SBF2: variants seen among roughly 807,000 people sequenced by gnomAD.
SBF2 encodes the protein myotubularin-related protein 13.
Under a neutral mutation model 225.2 loss-of-function variants are expected in SBF2, and 112 were observed. The ratio of observed to expected loss-of-function variants is 0.50; its 90% CI spans 0.43 to 0.58. The LOEUF is 0.58. Among genes scored for constraint, SBF2 ranks in the 20% least tolerant of loss-of-function variants. The pLI, the probability that SBF2 is intolerant of heterozygous loss-of-function variation, is 0.00. For missense variants in SBF2, 1,996 were observed against 2,206.2 expected (o/e 0.90, Z 1.91); for synonymous variants, 763 against 773.3 (o/e 0.99, Z 0.22).
intron 16 of SBF2, among the ~76,000 whole-genome samples, chr11:9,905,831 G>T (rs573949490): frequency 6.6e-6 from 1 of 152,226 alleles, no homozygotes; most frequent in Non-Finnish European, 1.5e-5. Flanking sequence ...AAAGGAGAGG[G>T]AGAAAAGAAA....
chr11:10,165,284 A>G (rs1955901685), intron 2 of SBF2, among the ~76,000 whole-genome samples: 1 of 152,192 alleles, frequency 6.6e-6, no homozygotes, highest in Admixed American at 6.5e-5. Context: ...GATATAATGC[A>G]TTGCTATTGG....
intron 1 of SBF2, among the ~76,000 whole-genome samples, chr11:10,252,574 C>T (rs554056396): frequency 1.3e-5 from 2 of 152,122 alleles, no homozygotes; most frequent in Admixed American, 6.5e-5. Context: ...GAGGCCAAGG[C>T]GGGCAGATCA....
intron 26 of SBF2, among the ~76,000 whole-genome samples, chr11:9,835,866 T>A (rs1034005284): frequency 6.6e-6 from 1 of 152,090 alleles, no homozygotes; most frequent in Non-Finnish European, 1.5e-5. Flanking sequence ...ATTCTCTTGT[T>A]GATTTTGAGT....
chr11:9,939,822 C>T (rs1865143150), intron 16 of SBF2, among the ~76,000 whole-genome samples: 1 of 152,124 alleles, frequency 6.6e-6, no homozygotes, highest in Non-Finnish European at 1.5e-5. Context: ...AAAAGCTGGC[C>T]TGCACCATGA....
In SBF2 at chr11:9,832,206, T is replaced by A; in HGVS notation, c.3652+18A>T. ...CTTATGTGAACGGGTGGTAATTGTG[T>A]TATAGAGAGATGCTTACCGGCCTGA... On this transcript the variant is annotated intron_variant, in intron 27 of 39. Transcript: ENST00000256190. The A allele has an allele frequency of 6.2e-7, 1 of 1,606,850 alleles. No individual in the cohort carries two copies. The highest frequency in any genetic ancestry group is 8.5e-7 in the Non-Finnish European group (1 of 1,173,320).
At chr11:9,822,650 T>C (rs536767661) in intron 28 of SBF2, among the ~76,000 whole-genome samples, 1 of 152,300 alleles carries the variant, frequency 6.6e-6, no homozygotes, top group South Asian at 2.1e-4. Context: ...TCAGGGAAGA[T>C]ATGACACAGT....
chr11:10,182,702 C>A (rs1250744653), intron 2 of SBF2, among the ~76,000 whole-genome samples: 1 of 152,062 alleles, frequency 6.6e-6, no homozygotes, highest in Non-Finnish European at 1.5e-5. Context: ...TACAGGCAAG[C>A]ACCACCATGT....
At chr11:9,821,475 T>C (rs1854750896) in intron 28 of SBF2, among the ~76,000 whole-genome samples, 1 of 152,156 alleles carries the variant, frequency 6.6e-6, no homozygotes, top group Non-Finnish European at 1.5e-5. Context: ...GCAGGGAGCT[T>C]TGAGAATTCT....
chr11:10,218,320 ACC>A (rs57770393), intron 1 of SBF2, among the ~76,000 whole-genome samples: 4,024 of 76,734 alleles, frequency 0.052, 46 homozygotes, highest in Middle Eastern at 0.11. Flanking sequence ...GGAAAGACCC[ACC>A]CCCCCCCCCA....
At chr11:9,965,014 C>A (rs900854229) in intron 14 of SBF2, among the ~76,000 whole-genome samples, 1 of 152,136 alleles carries the variant, frequency 6.6e-6, no homozygotes. Context: ...TCATCCCTCA[C>A]TCCCTTCCCA....
chr11:10,286,181 C>CAG (rs1345357697), intron 1 of SBF2, among the ~76,000 whole-genome samples: 1 of 151,948 alleles, frequency 6.6e-6, no homozygotes, highest in Non-Finnish European at 1.5e-5. Flanking sequence ...CACACACACA[C>CAG]ACACACACAC....
intron 6 of SBF2, 77 bp from the exon 7 acceptor site, chr11:10,002,766 G>A (rs184005515): frequency 9.6e-5 from 134 of 1,399,804 alleles, no homozygotes; most frequent in Admixed American, 7.5e-4. Flanking sequence ...CAGTATACAC[G>A]GAAAGAAAAA....
chr11:10,248,819 G>A (rs1318536815), intron 1 of SBF2, among the ~76,000 whole-genome samples: 2 of 152,202 alleles, frequency 1.3e-5, no homozygotes, highest in Non-Finnish European at 2.9e-5. Flanking sequence ...TTCTAGGCCG[G>A]GCGCGGAGGC....
chr11:9,886,699 G>GTTTTTTTTTTTTT (rs61240594), intron 17 of SBF2, among the ~76,000 whole-genome samples: 6 of 133,736 alleles, frequency 4.5e-5, no homozygotes, highest in South Asian at 2.3e-4. Context: ...TGATTCATGT[G>GTTTTTTTTTTTTT]TTTTTTTTTT....
chr11:9,830,747 A>AAC (rs533239104), intron 27 of SBF2, among the ~76,000 whole-genome samples: 6 of 149,756 alleles, frequency 4.0e-5, no homozygotes, highest in Admixed American at 2.7e-4. Flanking sequence ...CTCAAAAACA[A>AAC]AAAAAAAAAA....
At position 10,187,013 on chromosome 11, in the gene SBF2, CCTT is replaced by C. The variant is rs576311770; in HGVS notation, c.141+6886_141+6888del. On this transcript the variant is annotated intron_variant, in intron 2 of 39. Transcript: ENST00000256190. ...AGCTATTTGTTCAGTAAATCTGTTTCCTTCTTCTCCTAAGCACACATCTAGGGT... is the reference window on the plus strand; with the variant it reads ...AGCTATTTGTTCAGTAAATCTGTTTCCTTCTCCTAAGCACACATCTAGGGT... Among the ~76,000 whole-genome samples, 11 of 152,298 alleles carry C rather than the reference CCTT, an allele frequency of 7.2e-5. No individual in the cohort carries two copies. The East Asian group carries it at 1.7e-3, about 24-fold the overall frequency.
At chr11:9,861,760 G>A (rs1230193203) in intron 17 of SBF2, among the ~76,000 whole-genome samples, 3 of 151,962 alleles carry the variant, frequency 2.0e-5, no homozygotes, top group African/African-American at 4.8e-5. Context: ...CCCCCACCTC[G>A]GCCTTCCAAA....
Position 10,094,528 on chromosome 11 carries a change from A to ATTTTTTTTTT in SBF2, c.142-51557_142-51548dup, listed in dbSNP as rs60485793. Among the ~76,000 whole-genome samples the ATTTTTTTTTT allele has an allele frequency of 4.7e-3, 503 of 107,196 alleles. 34 individuals are homozygous for ATTTTTTTTTT. Among genetic ancestry groups the ATTTTTTTTTT allele is most frequent in the South Asian group, 0.011 (36 of 3,184 alleles). 70.3% of individuals were successfully genotyped at this position (107,196 alleles called of 152,430 possible). A position where few individuals can be genotyped will look rare whatever the true frequency, so the allele number is the denominator to read the frequency against. On this transcript the variant is annotated intron_variant, in intron 2 of 39. Coordinates refer to ENST00000256190, the MANE Select transcript of SBF2 (RefSeq NM_030962.4). ...TTTTCCCTACTACAAATACACACAG[A>ATTTTTTTTTT]TTTTTTTTTTTTTTTTTTGAGACAG...
At chr11:10,077,667 A>C (rs764147879) in intron 2 of SBF2, among the ~76,000 whole-genome samples, 6 of 152,234 alleles carry the variant, frequency 3.9e-5, no homozygotes, top group Non-Finnish European at 8.8e-5. Context: ...AATGTTAGAC[A>C]TAAAACCATT....
Sources: gnomAD v4.1 joint callset for allele counts (sites outside exome capture counted in the v4.1 genomes callset) on GRCh38, gnomAD v4.1.1 for gene constraint, MANE v1.5 for transcripts, NCBI Gene and HGNC (gene_info 2026-07-23, HGNC 2026-07-21) for gene names.